The following ZNF423 variants were observed in gnomAD, a reference collection of about 807,000 sequenced individuals.
The protein encoded by ZNF423 is zinc finger protein 423.
A neutral mutation model predicts 95.8 loss-of-function variants in ZNF423; 12 were observed. The observed-to-expected ratio is 0.13, with a 90% CI of 0.08 to 0.20. ZNF423 has a LOEUF of 0.20. ZNF423 is among the 10% of genes least tolerant of loss of function. ZNF423 has a pLI of 1.00. For missense variants in ZNF423, 1,316 were observed against 1,737.1 expected, an observed-to-expected ratio of 0.76 and a Z score of 4.31; for synonymous variants, 749 against 711.9, an observed-to-expected ratio of 1.05 and a Z score of -0.83.
intron 5 of ZNF423, among the ~76,000 whole-genome samples, chr16:49,597,405 T>C (rs1971216950): frequency 6.6e-6 from 1 of 152,244 alleles, no homozygotes; most frequent in African/African-American, 2.4e-5. Flanking sequence ...TTTAGTACGA[T>C]AAAAGAATGT....
intron 3 of ZNF423, among the ~76,000 whole-genome samples, chr16:49,677,322 G>GAA (rs2031139768): frequency 4.1e-5 from 1 of 24,630 alleles, no homozygotes; most frequent in Non-Finnish European, 8.1e-5. Flanking sequence ...GGAGGGGAAG[G>GAA]GAGGGGAGGG....
chr16:49,765,676 C>T (rs1483651068), intron 2 of ZNF423, among the ~76,000 whole-genome samples: 1 of 152,132 alleles, frequency 6.6e-6, no homozygotes, highest in Non-Finnish European at 1.5e-5. Flanking sequence ...GCCATGATCG[C>T]GCCACTGCAC....
intron 3 of ZNF423, among the ~76,000 whole-genome samples, chr16:49,728,462 A>G (rs1488535002): frequency 3.3e-5 from 5 of 152,188 alleles, no homozygotes; most frequent in Non-Finnish European, 5.9e-5. Context: ...GGAGGTCATT[A>G]GCAGGGTCCT....
chr16:49,669,470 G>A (rs2030706698), intron 3 of ZNF423, among the ~76,000 whole-genome samples: 1 of 152,204 alleles, frequency 6.6e-6, no homozygotes, highest in East Asian at 1.9e-4. Context: ...CAGCAGGACT[G>A]TCCCCTGCCC....
intron 3 of ZNF423, among the ~76,000 whole-genome samples, chr16:49,712,387 A>G (rs1295287936): frequency 2.0e-5 from 3 of 152,188 alleles, no homozygotes; most frequent in Non-Finnish European, 2.9e-5. Flanking sequence ...TCCAGAGGGG[A>G]AAGTGCCATT....
At chr16:49,664,059 C>A in intron 3 of ZNF423, 1 of 985,548 alleles carries the variant, frequency 1.0e-6, no homozygotes, top group Non-Finnish European at 1.2e-6. Flanking sequence ...AACCCAGCCA[C>A]CCCCTCATCA....
chr16:49,676,255 G>C (rs570403514), intron 3 of ZNF423, among the ~76,000 whole-genome samples: 4 of 152,208 alleles, frequency 2.6e-5, no homozygotes, highest in Non-Finnish European at 2.9e-5. Context: ...AGAGCTCCAC[G>C]AGGCACTAAC....
intron 1 of ZNF423, chr16:49,847,689 G>A (rs1041076457): frequency 1.3e-5 from 2 of 150,200 alleles, no homozygotes; most frequent in Non-Finnish European, 2.9e-5. Flanking sequence ...CTGGAAATGG[G>A]AGGCTGGCCT....
At chr16:49,540,304 T>A (rs555020208) in intron 5 of ZNF423, among the ~76,000 whole-genome samples, 1 of 152,288 alleles carries the variant, frequency 6.6e-6, no homozygotes, top group African/African-American at 2.4e-5. Context: ...TTTGTTTCGT[T>A]CTGTTTTTAA....
chr16:49,747,205 C>T lies in ZNF423; in HGVS notation c.101-16234G>A, dbSNP rs1004616682. On this transcript the variant is annotated intron_variant, in intron 2 of 7. Coordinates refer to ENST00000563137, the MANE Select transcript of ZNF423 (RefSeq NM_001379286.1). ...TTAGCATCTACATCTCCATGAACAG[C>T]AGATCGATAGATAGATTGTGGTACA... Among the ~76,000 whole-genome samples the T allele has an allele frequency of 4.6e-5, 7 of 152,040 alleles. No individual in the cohort carries two copies. In the South Asian group the frequency reaches 1.0e-3, roughly 22 times the overall value.
rs1277538171 is a variant in ZNF423 at position 49,637,223 on chromosome 16, G to T, written c.1953C>A (p.Asn651Lys). The T allele has an allele frequency of 6.2e-7, 1 of 1,613,992 alleles. No individual in the cohort carries two copies. Among genetic ancestry groups the T allele is most frequent in the East Asian group, 2.2e-5 (1 of 44,892 alleles). Reference sequence around the variant, plus strand: ...TCAGGTGGGTCTGGAAGCTCTCAAAGTTGGAGAACTTGAGGTCGCATTGAT... The same window carrying T: ...TCAGGTGGGTCTGGAAGCTCTCAAATTTGGAGAACTTGAGGTCGCATTGAT... ...PCNQCDLKFS[N>K]FESFQTHLKL... Residue 651 changes from asparagine (N) to lysine (K), a missense_variant, in exon 4 of 8, where the codon AAC becomes AAA. Asn to Lys is a moderately conservative substitution (Grantham distance 94). This residue lies in a region of ZNF423 where 620 missense variants were observed against 775.6 expected (regional missense o/e 0.80). Coordinates refer to ENST00000563137, the MANE Select transcript of ZNF423 (RefSeq NM_001379286.1). This position sits in a 1 kb window ranked among gnomAD's most constrained non-coding sequence, Gnocchi z 5.6.
chr16:49,707,679 T>C (rs898688570), intron 3 of ZNF423, among the ~76,000 whole-genome samples: 1 of 151,858 alleles, frequency 6.6e-6, no homozygotes, highest in African/African-American at 2.4e-5. Context: ...AACACTAAAT[T>C]ATAAAATAAC....
chr16:49,751,908 A>T lies in ZNF423; in HGVS notation c.101-20937T>A, dbSNP rs569670898. Among the ~76,000 whole-genome samples the T allele has an allele frequency of 1.7e-3, 263 of 152,148 alleles. 1 individual carries two copies. Among genetic ancestry groups the T allele is most frequent in the Non-Finnish European group, 3.1e-3 (209 of 68,008 alleles). ...CAAGGCTAAGGTTCAGTGGTTCAGA[A>T]CTCAAACTCCCACCCAGGCAGGACA... is the stretch of plus-strand genomic sequence containing the variant. On this transcript the variant is annotated intron_variant, in intron 2 of 7. Coordinates refer to ENST00000563137, the MANE Select transcript of ZNF423 (RefSeq NM_001379286.1).
intron 1 of ZNF423, among the ~76,000 whole-genome samples, chr16:49,848,187 G>A (rs976897150): frequency 1.3e-5 from 2 of 152,108 alleles, no homozygotes; most frequent in African/African-American, 4.8e-5. Context: ...CAGGAGTTGG[G>A]GGATGAAGAG....
At chr16:49,495,174 C>T (rs564733183) in intron 7 of ZNF423, among the ~76,000 whole-genome samples, 8 of 152,206 alleles carry the variant, frequency 5.3e-5, no homozygotes, top group African/African-American at 1.7e-4. Flanking sequence ...GAAAATAAAA[C>T]GGGAGAGCAG....
intron 1 of ZNF423, among the ~76,000 whole-genome samples, chr16:49,823,293 C>G (rs1302645834): frequency 6.6e-6 from 1 of 152,238 alleles, no homozygotes; most frequent in Non-Finnish European, 1.5e-5. Context: ...TCTCTTGCAA[C>G]AACAAAACAG....
intron 5 of ZNF423, among the ~76,000 whole-genome samples, chr16:49,614,791 T>TA (rs1971823316): frequency 6.6e-6 from 1 of 152,154 alleles, no homozygotes; most frequent in Non-Finnish European, 1.5e-5. Context: ...GTCTTTAAGC[T>TA]AAAAATGTTT....
rs578044878 is a variant in ZNF423, at chr16:49,747,262, AT to A, written c.101-16292del. 3.3e-5 allele frequency among the ~76,000 whole-genome samples: 5 copies of A among 152,324 alleles called. No individual in the cohort carries two copies. The South Asian group carries it at 1.0e-3, about 32-fold the overall frequency. On this transcript the variant is annotated intron_variant, in intron 2 of 7. Transcript: ENST00000563137. ...GAGTGGACACCATGCAGCAATTAAA[AT>A]TAATGAAACAGCTACATGTATCAAC...
chr16:49,496,730 A>G (rs1027347215), intron 7 of ZNF423, among the ~76,000 whole-genome samples: 2 of 152,182 alleles, frequency 1.3e-5, no homozygotes, highest in African/African-American at 2.4e-5. Context: ...TGCTCCACAG[A>G]TCTCCATAGT....
Sources: allele counts gnomAD v4.1 joint callset (sites outside exome capture counted in the v4.1 genomes callset), GRCh38; gene constraint gnomAD v4.1.1; regional missense constraint gnomAD v4.1.1; non-coding constraint Gnocchi (gnomAD v3.1); transcripts MANE v1.5; gene names NCBI Gene and HGNC (gene_info 2026-07-23, HGNC 2026-07-21).